KTN1: variants seen among roughly 807,000 people sequenced by gnomAD.
KTN1 encodes the protein kinectin 1.
A neutral mutation model predicts 222.5 loss-of-function variants in KTN1; 130 were observed. That is an observed-to-expected ratio of 0.58 (90% CI 0.51 to 0.68). The LOEUF (loss-of-function observed/expected upper bound fraction) is 0.68, where lower values mean the gene tolerates loss of function less well. Among genes scored for constraint, KTN1 ranks in the 30% least tolerant of loss-of-function variants. The probability of loss-of-function intolerance (pLI) is 0.00; values close to 1 mark genes in which losing one functional copy is unlikely to be tolerated. For synonymous variants in KTN1, 512 were observed against 496.3 expected, an observed-to-expected ratio of 1.03 and a Z score of -0.42; for missense variants, 1,508 against 1,500.4, an observed-to-expected ratio of 1.01 and a Z score of -0.08.
At chr14:55,587,008 C>A (rs1417295141) in intron 1 of KTN1, among the ~76,000 whole-genome samples, 1 of 152,260 alleles carries the variant, frequency 6.6e-6, no homozygotes, top group South Asian at 2.1e-4. Flanking sequence ...TATTTTTATT[C>A]ATTGCATTAT....
At chr14:55,665,196 C>T (rs940759217) in intron 33 of KTN1, among the ~76,000 whole-genome samples, 1 of 151,874 alleles carries the variant, frequency 6.6e-6, no homozygotes, top group Non-Finnish European at 1.5e-5. Context: ...GGAGTAGTTG[C>T]AATTGTACAG....
chr14:55,593,494 C>G (rs1199341459), intron 1 of KTN1, among the ~76,000 whole-genome samples: 1 of 131,670 alleles, frequency 7.6e-6, no homozygotes, highest in Non-Finnish European at 1.6e-5. Context: ...GTACTATCAA[C>G]AAAATTCACA....
chr14:55,615,027 C>T (rs1021394012), intron 2 of KTN1, among the ~76,000 whole-genome samples: 2 of 152,090 alleles, frequency 1.3e-5, no homozygotes, highest in East Asian at 1.9e-4. Flanking sequence ...GTAGATAGCT[C>T]ATCCAAGGGA....
At chr14:55,677,889 G>C (rs937364609) in intron 41 of KTN1, among the ~76,000 whole-genome samples, 4 of 152,102 alleles carry the variant, frequency 2.6e-5, no homozygotes, top group African/African-American at 9.7e-5. Flanking sequence ...GTAGAGATGG[G>C]GTTTCTCCAT....
At chr14:55,657,397 G>GTTTTTTTTTTTTTTTTTTTTTTTTTTTTT (rs35297700) in intron 29 of KTN1, among the ~76,000 whole-genome samples, 5 of 137,670 alleles carry the variant, frequency 3.6e-5, no homozygotes, top group African/African-American at 1.1e-4. Context: ...CTGAGTTGAC[G>GTTTTTTTTTTTTTTTTTTTTTTTTTTTTT]TTTTTTTTTT....
intron 7 of KTN1, among the ~76,000 whole-genome samples, chr14:55,632,406 TTATTTCATACAAAA>T (rs1317314444): frequency 6.6e-6 from 1 of 152,222 alleles, no homozygotes; most frequent in Non-Finnish European, 1.5e-5. Context: ...ATTAATAAGA[TTATTTCATACAAAA>T]ACATGTTCTT....
intron 27 of KTN1, among the ~76,000 whole-genome samples, chr14:55,653,322 ACT>A (rs1373988157): frequency 1.3e-5 from 2 of 152,062 alleles, no homozygotes; most frequent in African/African-American, 4.8e-5. Context: ...TTTCAAATAG[ACT>A]CTTAGTTCAT....
chr14:55,664,253 G>T (rs571667463), intron 33 of KTN1, among the ~76,000 whole-genome samples: 1 of 152,142 alleles, frequency 6.6e-6, no homozygotes, highest in South Asian at 2.1e-4. Flanking sequence ...GATTGTTTGG[G>T]CTTTGTTGAG....
rs1266534923 is a variant in KTN1 at position 55,597,210 on chromosome 14, G to A, written c.-30-14809G>A. On this transcript the variant is annotated intron_variant, in intron 1 of 43. Transcript: ENST00000395314. ...GGAGAACATGTATTTGAAAAGGGGA[G>A]TTACTCATTTGGCTTACACTTTTTG... 5.9e-5 allele frequency among the ~76,000 whole-genome samples: 9 copies of A among 152,144 alleles called. 1 individual carries two copies. Among genetic ancestry groups the A allele is most frequent in the Admixed American group, 5.9e-4 (9 of 15,272 alleles).
intron 9 of KTN1, among the ~76,000 whole-genome samples, chr14:55,635,281 A>G (rs1454063301): frequency 1.3e-5 from 2 of 152,222 alleles, no homozygotes; most frequent in Non-Finnish European, 2.9e-5. Context: ...ATTGACAGAT[A>G]TAAATTGTAG....
intron 5 of KTN1, among the ~76,000 whole-genome samples, chr14:55,619,677 G>C (rs187087058): frequency 1.3e-5 from 2 of 152,150 alleles, no homozygotes; most frequent in Admixed American, 1.3e-4. Flanking sequence ...ACCTTGTAAG[G>C]CTTATTTACT....
chr14:55,603,345 A>G (rs182187700), intron 1 of KTN1, among the ~76,000 whole-genome samples: 1 of 152,320 alleles, frequency 6.6e-6, no homozygotes, highest in Non-Finnish European at 1.5e-5. Flanking sequence ...ATTCATTTCA[A>G]TCAGGTTTTG....
At chr14:55,644,302 T>C (rs2042079380) in intron 18 of KTN1, 4 of 689,630 alleles carry the variant, frequency 5.8e-6, no homozygotes, top group East Asian at 2.7e-5. Flanking sequence ...TTGAACAGTT[T>C]AGTTATGTAA....
At chr14:55,683,913 T>TGA (rs2046575616) in intron 43 of KTN1, among the ~76,000 whole-genome samples, 186 bp from the exon 44 acceptor site, 1 of 152,154 alleles carries the variant, frequency 6.6e-6, no homozygotes, top group Non-Finnish European at 1.5e-5. Context: ...ACCTAAAAGC[T>TGA]TGTTTCCTTT....
At chr14:55,631,391 A>T (rs1051050867) in intron 7 of KTN1, among the ~76,000 whole-genome samples, 2 of 133,794 alleles carry the variant, frequency 1.5e-5, no homozygotes, top group African/African-American at 6.0e-5. Flanking sequence ...CAGGCCAATC[A>T]TGAGCAATGA....
chr14:55,631,341 G>GAGATAGATAGATATATATATAT (rs71448461), intron 7 of KTN1, among the ~76,000 whole-genome samples: 2 of 114,718 alleles, frequency 1.7e-5, no homozygotes, highest in Non-Finnish European at 3.5e-5. Flanking sequence ...TGATAAGGTT[G>GAGATAGATAGATATATATATAT]ATATATATAT....
At position 55,618,038 on chromosome 14, in the gene KTN1, G is replaced by A. The variant is rs762998956; in HGVS notation, c.736G>A (p.Val246Ile). ...LMDNADSSPV[V>I]DKREVIDLLK... ...GGATAATGCTGACTCAAGTCCTGTGGTAGATAAGAGAGAGGTTATTGATTT... is the reference window on the plus strand; with the variant it reads ...GGATAATGCTGACTCAAGTCCTGTGATAGATAAGAGAGAGGTTATTGATTT... The change falls in exon 4 of 44, where the codon GTA becomes ATA. Residue 246 changes from valine (V) to isoleucine (I), a missense_variant. Transcript: ENST00000395314. 2.3e-5 allele frequency: 37 copies of A among 1,612,462 alleles called. No homozygotes were observed. The South Asian group carries it at 4.1e-4, about 18-fold the overall frequency.
intron 33 of KTN1, among the ~76,000 whole-genome samples, chr14:55,665,691 A>G (rs1401394387): frequency 6.6e-6 from 1 of 152,028 alleles, no homozygotes; most frequent in Non-Finnish European, 1.5e-5. Flanking sequence ...TTGAGGAGCT[A>G]CTGAAAGAAA....
chr14:55,612,305 T>A lies in KTN1; in HGVS notation c.257T>A (p.Leu86Ter). The stretch of plus-strand genomic sequence containing the variant: ...GAGAGTGTACCTCGAGACTTTAAAT[T>A]ATCAGATGCTTTGGCAGTAGAAGAT... ...DSESVPRDFK[L>*]SDALAVEDDQ... is the part of the protein sequence containing the mutation. Residue 86 changes from leucine to a stop codon, truncating the protein, a stop_gained, in exon 2 of 44, where the codon TTA (leucine) becomes TAA (stop). Coordinates refer to ENST00000395314, the MANE Select transcript of KTN1 (RefSeq NM_001079521.2). LOFTEE classifies it high-confidence loss of function. The A allele has an allele frequency of 6.2e-7, 1 of 1,613,638 alleles. No homozygotes were observed. Among genetic ancestry groups the A allele is most frequent in the Non-Finnish European group, 8.5e-7 (1 of 1,179,948 alleles).
Sources: gnomAD v4.1 joint callset for allele counts (sites outside exome capture counted in the v4.1 genomes callset) on GRCh38, gnomAD v4.1.1 for gene constraint, MANE v1.5 for transcripts, NCBI Gene and HGNC (gene_info 2026-07-23, HGNC 2026-07-21) for gene names.